Variants in DLGAP2 observed in about 807,000 individuals in gnomAD.
The protein encoded by DLGAP2 is disks large-associated protein 2.
DLGAP2 carries 26 observed loss-of-function variants against 100.3 expected under a neutral mutation model. The ratio of observed to expected loss-of-function variants is 0.26; its 90% confidence interval spans 0.19 to 0.36. DLGAP2 has a LOEUF of 0.36. Among genes scored for constraint, DLGAP2 ranks in the 10% least tolerant of loss-of-function variants. The pLI is 1.00. For synonymous variants in DLGAP2, 886 were observed against 630.1 expected, an observed-to-expected ratio of 1.41 and a Z score of -6.08; for missense variants, 1,858 against 1,453.2, an observed-to-expected ratio of 1.28 and a Z score of -4.53.
At chr8:1,604,980 G>A (rs185272355) in intron 6 of DLGAP2, among the ~76,000 whole-genome samples, 24 of 152,324 alleles carry the variant, frequency 1.6e-4, no homozygotes, top group African/African-American at 4.8e-4. Context: ...TACTTGTGGT[G>A]TAACAGGATA....
At chr8:1,215,488 G>A (rs1160205514) in intron 2 of DLGAP2, among the ~76,000 whole-genome samples, 2,912 of 68,972 alleles carry the variant, frequency 0.042, 111 homozygotes, top group African/African-American at 0.13. Flanking sequence ...ACCTGGATGG[G>A]TTCATTTGGG....
chr8:1,459,741 A>G lies in DLGAP2; in HGVS notation c.107-41625A>G, dbSNP rs372584858. On this transcript the variant is annotated intron_variant, in intron 3 of 14. Transcript: ENST00000637795. ...TGTTCTGTCACCCATGCTGGAGTGC[A>G]GTGGCACAATCTTGGCTCACTGCAA... is the stretch of plus-strand genomic sequence containing the variant. 1.7e-4 allele frequency among the ~76,000 whole-genome samples: 23 copies of G among 133,904 alleles called. No homozygotes were observed. In the South Asian group the frequency reaches 5.2e-3, roughly 30 times the overall value. 87.8% of individuals were successfully genotyped at this position (133,904 alleles called of 152,430 possible). A position where few individuals can be genotyped will look rare whatever the true frequency, so the allele number is the denominator to read the frequency against.
At chr8:778,989 C>T (rs1017345094) in intron 1 of DLGAP2, among the ~76,000 whole-genome samples, 7 of 152,314 alleles carry the variant, frequency 4.6e-5, no homozygotes, top group South Asian at 2.1e-4. Flanking sequence ...TAGCAATCAG[C>T]GAGACTCCGT....
At chr8:836,208 G>A (rs536828399) in intron 1 of DLGAP2, among the ~76,000 whole-genome samples, 1 of 152,182 alleles carries the variant, frequency 6.6e-6, no homozygotes, top group Non-Finnish European at 1.5e-5. Context: ...GGACTCGGCC[G>A]GAAAGCCCCG....
At chr8:822,253 A>G (rs1037093775) in intron 1 of DLGAP2, 41 of 399,186 alleles carry the variant, frequency 1.0e-4, no homozygotes, top group African/African-American at 7.2e-4. Context: ...CTTACCCAGC[A>G]TTTGCTTACT....
chr8:799,812 A>T (rs2132652593), intron 1 of DLGAP2, among the ~76,000 whole-genome samples: 1 of 152,204 alleles, frequency 6.6e-6, no homozygotes, highest in East Asian at 1.9e-4. Context: ...GCCCAGGCTG[A>T]TTGCGAGCTC....
At chr8:1,084,023 C>T (rs937712819) in intron 2 of DLGAP2, among the ~76,000 whole-genome samples, 3 of 152,042 alleles carry the variant, frequency 2.0e-5, no homozygotes, top group African/African-American at 7.3e-5. Context: ...GGCATATGTC[C>T]CTGTGTGATT....
chr8:1,295,185 G>C (rs10283022), intron 3 of DLGAP2, among the ~76,000 whole-genome samples: 53,314 of 152,024 alleles, frequency 0.35, 9,827 homozygotes, highest in African/African-American at 0.44. Flanking sequence ...GCAGCAGACA[G>C]ACATGGCGGC....
chr8:1,323,724 G>A (rs2117043883), intron 3 of DLGAP2, among the ~76,000 whole-genome samples: 1 of 152,328 alleles, frequency 6.6e-6, no homozygotes, highest in South Asian at 2.1e-4. Context: ...CAGGAGCCCT[G>A]CCTCCGCTCC....
chr8:1,379,171 G>C (rs779789424), intron 3 of DLGAP2, among the ~76,000 whole-genome samples: 1 of 152,268 alleles, frequency 6.6e-6, no homozygotes, highest in Non-Finnish European at 1.5e-5. Flanking sequence ...TGGCACGTCA[G>C]CCTCACGGGG....
At chr8:894,415 G>A (rs1011706656) in intron 1 of DLGAP2, among the ~76,000 whole-genome samples, 5 of 152,024 alleles carry the variant, frequency 3.3e-5, no homozygotes, top group African/African-American at 1.2e-4. Context: ...AAGAGAATGT[G>A]GCATGTACAC....
At chr8:1,209,236 A>G (rs1208899397) in intron 2 of DLGAP2, among the ~76,000 whole-genome samples, 2 of 152,208 alleles carry the variant, frequency 1.3e-5, no homozygotes, top group South Asian at 2.1e-4. Context: ...GCATCACATT[A>G]CCCAACTTCA....
intron 12 of DLGAP2, among the ~76,000 whole-genome samples, chr8:1,685,214 G>A (rs1799083727): frequency 6.6e-6 from 1 of 152,226 alleles, no homozygotes; most frequent in African/African-American, 2.4e-5. Context: ...AGCCCAGAGA[G>A]ACTCTGAGAA....
intron 1 of DLGAP2, among the ~76,000 whole-genome samples, chr8:827,395 A>G (rs1796701500): frequency 6.6e-6 from 1 of 152,232 alleles, no homozygotes; most frequent in Non-Finnish European, 1.5e-5. Context: ...TATTTTTAAA[A>G]TACACATTTG....
intron 2 of DLGAP2, among the ~76,000 whole-genome samples, chr8:1,039,553 CGTGGTCAGCTT>C (rs1802244787): frequency 2.6e-5 from 3 of 114,444 alleles, no homozygotes; most frequent in Admixed American, 1.9e-4. Context: ...GCTTGGTGTG[CGTGGTCAGCTT>C]GGTGTGCGTG....
At chr8:1,501,856 A>G (rs1799734979) in intron 4 of DLGAP2, among the ~76,000 whole-genome samples, 1 of 152,168 alleles carries the variant, frequency 6.6e-6, no homozygotes, top group Non-Finnish European at 1.5e-5. Flanking sequence ...GATGCTGAGT[A>G]TGACTGTGCG....
intron 3 of DLGAP2, among the ~76,000 whole-genome samples, chr8:1,383,255 C>G (rs1475179595): frequency 6.6e-6 from 1 of 152,122 alleles, no homozygotes; most frequent in Admixed American, 6.5e-5. Context: ...GGAAAGTCAT[C>G]AAGTTCTAAG....
chr8:1,118,873 C>G (rs1795964184), intron 2 of DLGAP2, among the ~76,000 whole-genome samples: 1 of 152,172 alleles, frequency 6.6e-6, no homozygotes, highest in South Asian at 2.1e-4. Context: ...GACACCAACA[C>G]CTATAGTTAA....
chr8:1,558,980 A>G (rs554357265), intron 5 of DLGAP2, among the ~76,000 whole-genome samples: 2 of 152,346 alleles, frequency 1.3e-5, no homozygotes, highest in Admixed American at 1.3e-4. Context: ...AGTGCCTCCA[A>G]GAGAATATGA....
Sources: gnomAD v4.1 joint callset for allele counts (sites outside exome capture counted in the v4.1 genomes callset) on GRCh38, gnomAD v4.1.1 for gene constraint, MANE v1.5 for transcripts, NCBI Gene and HGNC (gene_info 2026-07-23, HGNC 2026-07-21) for gene names.